DOCK7: variants seen among roughly 807,000 people sequenced by gnomAD.
DOCK7 encodes the protein dedicator of cytokinesis 7.
In DOCK7, 138 loss-of-function variants were observed where a neutral mutation model predicts 271.0. The observed-to-expected ratio is 0.51, with a 90% CI of 0.44 to 0.59. The LOEUF (loss-of-function observed/expected upper bound fraction) is 0.59, where lower values mean the gene tolerates loss of function less well. Among genes scored for constraint, DOCK7 ranks in the 20% least tolerant of loss-of-function variants. The pLI is 0.00. For missense variants in DOCK7, 2,066 were observed against 2,592.4 expected (o/e 0.80, Z 4.41); for synonymous variants, 823 against 876.1 (o/e 0.94, Z 1.07).
chr1:62,589,826 G>C (rs935974082), intron 14 of DOCK7, among the ~76,000 whole-genome samples: 2 of 149,534 alleles, frequency 1.3e-5, no homozygotes, highest in Admixed American at 1.3e-4. Flanking sequence ...AGCTTGCAGT[G>C]AGCCGAGATC....
chr1:62,562,233 CTTTT>C (rs59893499), intron 18 of DOCK7, among the ~76,000 whole-genome samples: 89 of 121,200 alleles, frequency 7.3e-4, no homozygotes, highest in Admixed American at 9.4e-4. Flanking sequence ...GATCCAAAAA[CTTTT>C]TTTTTTTTTT....
Position 62,476,098 on chromosome 1 carries a change from G to C in DOCK7, c.5693C>G (p.Pro1898Arg), listed in dbSNP as rs747709595. 13 of 1,613,208 alleles carry C rather than the reference G, an allele frequency of 8.1e-6. No homozygotes were observed. Among genetic ancestry groups the C allele is most frequent in the Middle Eastern group, 1.6e-4 (1 of 6,078 alleles). The change falls in exon 45 of 50, where the codon CCT (proline) becomes CGT (arginine). Residue 1898 changes from proline (P) to arginine (R), a missense_variant. This residue lies in a region of DOCK7 where 652 missense variants were observed against 922.1 expected (regional missense o/e 0.71). Transcript: ENST00000635253. Reference sequence around the variant, plus strand: ...AGGATCTAATTTACACTTGTCTACAGGATTAGAGTCTTTGATTACTTCAAC... The same window carrying C: ...AGGATCTAATTTACACTTGTCTACACGATTAGAGTCTTTGATTACTTCAAC... ...DVVEVIKDSN[P>R]VDKCKLDPNK...
At chr1:62,680,008 G>C (rs1308104890) in intron 1 of DOCK7, among the ~76,000 whole-genome samples, 1 of 152,178 alleles carries the variant, frequency 6.6e-6, no homozygotes, top group Non-Finnish European at 1.5e-5. Flanking sequence ...AGCTACCAAT[G>C]ACTTTCTTCA....
intron 13 of DOCK7, 73 bp downstream of exon 13, chr1:62,619,827 C>T (rs531513936): frequency 4.5e-6 from 4 of 881,960 alleles, no homozygotes; most frequent in East Asian, 2.8e-5. Context: ...AAAAAAGATA[C>T]ATAATTATAA....
Position 62,630,090 on chromosome 1 carries a change from G to A in DOCK7, c.1282+1150C>T, listed in dbSNP as rs151184752. 5.0e-4 allele frequency among the ~76,000 whole-genome samples: 76 copies of A among 152,300 alleles called. 1 individual carries two copies. The highest frequency in any genetic ancestry group is 6.9e-4 in the Non-Finnish European group (47 of 68,024). On this transcript the variant is annotated intron_variant, in intron 11 of 49. Coordinates refer to ENST00000635253, the MANE Select transcript of DOCK7 (RefSeq NM_001367561.1). ...TGAGAATGACCCTATGGTCTAAAAA[G>A]AATGTGTATTCGGAGTTCCGAGCTA... is the stretch of plus-strand genomic sequence containing the variant.
intron 37 of DOCK7, among the ~76,000 whole-genome samples, chr1:62,496,832 T>C (rs1362825983): frequency 6.6e-6 from 1 of 152,172 alleles, no homozygotes; most frequent in Non-Finnish European, 1.5e-5. Context: ...ACTGACATTA[T>C]AAAATTCTTA....
intron 48 of DOCK7, 177 bp from the exon 49 acceptor site, chr1:62,457,882 G>A: frequency 1.8e-6 from 1 of 569,582 alleles, no homozygotes; most frequent in Non-Finnish European, 3.0e-6. Context: ...AGGCATGGTG[G>A]CTCATGGCTG....
At chr1:62,674,348 A>T (rs1407988099) in intron 1 of DOCK7, among the ~76,000 whole-genome samples, 1 of 152,182 alleles carries the variant, frequency 6.6e-6, no homozygotes, top group Non-Finnish European at 1.5e-5. Context: ...GGAAGACTCA[A>T]TATTGTTCAG....
chr1:62,665,298 A>G (rs2149723292), intron 1 of DOCK7, among the ~76,000 whole-genome samples: 1 of 152,092 alleles, frequency 6.6e-6, no homozygotes, highest in South Asian at 2.1e-4. Flanking sequence ...CTCATTAGGG[A>G]TTTTAATGAA....
At chr1:62,687,096 A>T (rs1465039208) in intron 1 of DOCK7, among the ~76,000 whole-genome samples, 1 of 152,144 alleles carries the variant, frequency 6.6e-6, no homozygotes, top group Non-Finnish European at 1.5e-5. Context: ...TTTTAAAGAA[A>T]TGTCAGCAAA....
At chr1:62,558,071 T>A (rs1646204321) in intron 20 of DOCK7, among the ~76,000 whole-genome samples, 1 of 152,084 alleles carries the variant, frequency 6.6e-6, no homozygotes, top group Non-Finnish European at 1.5e-5. Context: ...ACAGAAAAAG[T>A]CCCAATTTCC....
chr1:62,625,924 C>G (rs1571820534), intron 11 of DOCK7, among the ~76,000 whole-genome samples: 1 of 152,122 alleles, frequency 6.6e-6, no homozygotes, highest in East Asian at 1.9e-4. Context: ...GTACACTAAG[C>G]AAGAGCAGAA....
At chr1:62,649,718 A>G (rs1452676315) in intron 4 of DOCK7, among the ~76,000 whole-genome samples, 2 of 152,094 alleles carry the variant, frequency 1.3e-5, no homozygotes, top group East Asian at 3.8e-4. Context: ...CCCCACACAC[A>G]TCACCATTTT....
At chr1:62,665,488 G>A (rs747728451) in intron 1 of DOCK7, among the ~76,000 whole-genome samples, 3 of 151,582 alleles carry the variant, frequency 2.0e-5, no homozygotes, top group Non-Finnish European at 2.9e-5. Flanking sequence ...AGCAGATCAC[G>A]AGGTCAAGAA....
chr1:62,509,455 A>C (rs1481495915), intron 34 of DOCK7, among the ~76,000 whole-genome samples: 2 of 152,148 alleles, frequency 1.3e-5, no homozygotes, highest in Admixed American at 6.5e-5. Flanking sequence ...AACACCAAAA[A>C]AGTCTCCCTC....
At chr1:62,597,682 T>C (rs1336207471) in intron 14 of DOCK7, 5 of 1,613,484 alleles carry the variant, frequency 3.1e-6, no homozygotes, top group African/African-American at 1.3e-5. Context: ...AGATTTGCTA[T>C]GTTAGACGAT....
chr1:62,666,718 T>A (rs369566515), intron 1 of DOCK7, among the ~76,000 whole-genome samples: 3 of 152,214 alleles, frequency 2.0e-5, no homozygotes, highest in African/African-American at 7.2e-5. Flanking sequence ...CCAATCAGAT[T>A]TTTTCTTACT....
At chr1:62,479,726 C>T (rs1401435309) in intron 43 of DOCK7, 1 of 382,642 alleles carries the variant, frequency 2.6e-6, no homozygotes, top group Non-Finnish European at 5.4e-6. Context: ...CTCCATTACC[C>T]AGACTGGAAT....
intron 31 of DOCK7, among the ~76,000 whole-genome samples, chr1:62,519,385 T>A (rs1644776528): frequency 6.6e-6 from 1 of 152,110 alleles, no homozygotes; most frequent in African/African-American, 2.4e-5. Context: ...TCCACAAACA[T>A]AACAAACTGA....
Sources: gnomAD v4.1 joint callset for allele counts (sites outside exome capture counted in the v4.1 genomes callset) on GRCh38, gnomAD v4.1.1 for gene constraint, gnomAD v4.1.1 regional missense constraint, MANE v1.5 for transcripts, NCBI Gene and HGNC (gene_info 2026-07-23, HGNC 2026-07-21) for gene names.